SH3PXD2A: variants seen among roughly 807,000 people sequenced by gnomAD.
SH3PXD2A encodes the protein SH3 and PX domains 2A, also known as SH3 and PX domain-containing protein 2A.
SH3PXD2A carries 32 observed loss-of-function variants against 115.2 expected under a neutral mutation model. The ratio of observed to expected loss-of-function variants is 0.28; its 90% confidence interval spans 0.21 to 0.37. The LOEUF (loss-of-function observed/expected upper bound fraction) is 0.37. SH3PXD2A is among the 10% of genes least tolerant of loss of function. The pLI, the probability that SH3PXD2A is intolerant of heterozygous loss-of-function variation, is 1.00. For missense variants in SH3PXD2A, 1,328 were observed against 1,498.7 expected (o/e 0.89, Z 1.88); for synonymous variants, 610 against 629.1 (o/e 0.97, Z 0.45).
In SH3PXD2A at chr10:103,767,090, T is replaced by C. The variant is rs2038762914; in HGVS notation, c.229+4A>G. On this transcript the variant is annotated splice_donor_region_variant and intron_variant, in intron 3 of 14. Coordinates refer to ENST00000369774, the MANE Select transcript of SH3PXD2A (RefSeq NM_001394015.1). ...ATCCCTGGGTGGAGCCACCCAATGCTTACCTGGGAGGAAGGGGATGATCCT... is the reference window on the plus strand; with the variant it reads ...ATCCCTGGGTGGAGCCACCCAATGCCTACCTGGGAGGAAGGGGATGATCCT... The C allele has an allele frequency of 6.2e-7, 1 of 1,612,432 alleles. No individual in the cohort carries two copies. Among genetic ancestry groups the C allele is most frequent in the African/African-American group, 1.3e-5 (1 of 74,894 alleles).
chr10:103,776,436 CTGTG>C (rs34034863), intron 2 of SH3PXD2A, among the ~76,000 whole-genome samples: 5,236 of 125,016 alleles, frequency 0.042, 108 homozygotes, highest in Admixed American at 0.048. Context: ...GTGTGTGTGT[CTGTG>C]TGTGTGTGTG....
intron 2 of SH3PXD2A, among the ~76,000 whole-genome samples, chr10:103,797,472 A>G (rs2039103454): frequency 6.6e-6 from 1 of 152,006 alleles, no homozygotes; most frequent in Non-Finnish European, 1.5e-5. Context: ...ATGCACCATC[A>G]GAGTTCTAAG....
At position 103,600,730 on chromosome 10, in the gene SH3PXD2A, C is replaced by G. The variant is rs1038432836; in HGVS notation, c.*1086G>C. On this transcript the variant is annotated 3_prime_UTR_variant, in exon 15 of 15. Transcript: ENST00000369774. ...ACCATGTCTGCAACCTGGGGCTTGC[C>G]TAGCCCCAAATTTTTCTGGCAGGCG... 2.0e-5 allele frequency: 3 copies of G among 152,226 alleles called. No individual in the cohort carries two copies. Among genetic ancestry groups the G allele is most frequent in the Non-Finnish European group, 4.4e-5 (3 of 68,042 alleles). 9.4% of individuals were successfully genotyped at this position (152,226 alleles called of 1,614,324 possible). A position where few individuals can be genotyped will look rare whatever the true frequency, so the allele number is the denominator to read the frequency against.
At chr10:103,624,938 A>G (rs1404631295) in intron 9 of SH3PXD2A, among the ~76,000 whole-genome samples, 2 of 152,188 alleles carry the variant, frequency 1.3e-5, no homozygotes, top group Non-Finnish European at 2.9e-5. Flanking sequence ...AGTTGCCAGG[A>G]GAATTGGCAC....
chr10:103,620,937 A>ATG lies in SH3PXD2A; in HGVS notation c.802+1531_802+1532dup, dbSNP rs896424825. The stretch of plus-strand genomic sequence containing the variant: ...TGGCGTATGTGTGTATGTTGCGTAT[A>ATG]TGTGTGTGTGTGATGATTTTGTGAC... On this transcript the variant is annotated intron_variant, in intron 10 of 14. Transcript: ENST00000369774. This position sits in a 1 kb window ranked among gnomAD's most constrained non-coding sequence, Gnocchi z 5.3. Among the ~76,000 whole-genome samples the ATG allele has an allele frequency of 7.2e-5, 11 of 152,040 alleles. No homozygotes were observed. Among genetic ancestry groups the ATG allele is most frequent in the East Asian group, 5.8e-4 (3 of 5,170 alleles).
At chr10:103,695,976 G>A (rs1426983070) in intron 5 of SH3PXD2A, among the ~76,000 whole-genome samples, 1 of 152,238 alleles carries the variant, frequency 6.6e-6, no homozygotes, top group Non-Finnish European at 1.5e-5. Flanking sequence ...TAGTGAGTGG[G>A]TGAGACCAGG....
rs138424695 is a variant in SH3PXD2A, at chr10:103,796,178, G to A, written c.153+5104C>T. Among the ~76,000 whole-genome samples, 120 of 151,770 alleles carry A rather than the reference G, an allele frequency of 7.9e-4. 1 individual carries two copies. The highest frequency in any genetic ancestry group is 3.4e-3 in the Middle Eastern group (1 of 294). ...GTTTGAGACCAGCCTGGGCAACACA[G>A]TGGGACCCTGTCTCTACAAAAAATA... On this transcript the variant is annotated intron_variant, in intron 2 of 14. Transcript: ENST00000369774.
intron 11 of SH3PXD2A, among the ~76,000 whole-genome samples, chr10:103,614,297 T>C (rs2036475342): frequency 6.6e-6 from 1 of 151,974 alleles, no homozygotes; most frequent in African/African-American, 2.4e-5. Flanking sequence ...ATGACCCAGT[T>C]AGGAAAAACA....
chr10:103,667,294 G>T (rs1180604223), intron 7 of SH3PXD2A, among the ~76,000 whole-genome samples: 1 of 152,120 alleles, frequency 6.6e-6, no homozygotes, highest in Non-Finnish European at 1.5e-5. Context: ...CCCTGTGCTG[G>T]CCTCCACCCC....
Position 103,602,841 on chromosome 10 carries a change from T to C in SH3PXD2A, c.2377A>G (p.Lys793Glu). ...RPTGQLRGGL[K>E]GSKSEDSELP... ...TCCGAATCCTCACTCTTGGAGCCCT[T>C]GAGCCCTCCACGGAGCTGGCCTGTG... is the stretch of plus-strand genomic sequence containing the variant. The change falls in exon 15 of 15, where the codon AAG becomes GAG. Residue 793 changes from lysine (K) to glutamate (E), a missense_variant. By Grantham distance (56) the Lys-to-Glu change is moderately conservative. Coordinates refer to ENST00000369774, the MANE Select transcript of SH3PXD2A (RefSeq NM_001394015.1). The C allele has an allele frequency of 6.2e-7, 1 of 1,614,128 alleles. No individual in the cohort carries two copies. The highest frequency in any genetic ancestry group is 8.5e-7 in the Non-Finnish European group (1 of 1,180,024).
chr10:103,853,939 C>T (rs1032404681), intron 1 of SH3PXD2A, among the ~76,000 whole-genome samples: 5 of 152,226 alleles, frequency 3.3e-5, no homozygotes, highest in South Asian at 2.1e-4. Context: ...GACCAGATGA[C>T]ACAAAAGAAA....
In SH3PXD2A at chr10:103,627,371, G is replaced by A. The variant is rs911312320; in HGVS notation, c.605-169C>T. Among the ~76,000 whole-genome samples, 4 of 152,232 alleles carry A rather than the reference G, an allele frequency of 2.6e-5. No individual in the cohort carries two copies. The highest frequency in any genetic ancestry group is 1.9e-4 in the East Asian group (1 of 5,204). ...CCAGCTCCAGCCTCGAGGAGCCTGC[G>A]TCTGTTCTAAGGCAGAAACGACCAG... is the stretch of plus-strand genomic sequence containing the variant. On this transcript the variant is annotated intron_variant, in intron 8 of 14. Coordinates refer to ENST00000369774, the MANE Select transcript of SH3PXD2A (RefSeq NM_001394015.1). The surrounding 1 kb of genome is among the most constrained non-coding windows in gnomAD (Gnocchi z 4.4).
At chr10:103,808,180 T>A (rs1176439337) in intron 1 of SH3PXD2A, among the ~76,000 whole-genome samples, 1 of 151,648 alleles carries the variant, frequency 6.6e-6, no homozygotes, top group Non-Finnish European at 1.5e-5. Context: ...CAGAGCCCCA[T>A]CTCCTCCCTG....
Position 103,744,518 on chromosome 10 carries a change from G to C in SH3PXD2A, c.230-8710C>G, listed in dbSNP as rs141575699. ...TCACCTCTGACCCTCTGCAGCCTGG[G>C]GACTGCAGGTCACCTCTTCCCCTGC... On this transcript the variant is annotated intron_variant, in intron 3 of 14. Coordinates refer to ENST00000369774, the MANE Select transcript of SH3PXD2A (RefSeq NM_001394015.1). 1.7e-3 allele frequency among the ~76,000 whole-genome samples: 262 copies of C among 152,250 alleles called. 1 individual carries two copies. The highest frequency in any genetic ancestry group is 3.4e-3 in the Middle Eastern group (1 of 294).
chr10:103,835,953 T>G (rs1161205057), intron 1 of SH3PXD2A, among the ~76,000 whole-genome samples: 3 of 152,192 alleles, frequency 2.0e-5, no homozygotes, highest in African/African-American at 7.2e-5. Context: ...CCCCCTTCAC[T>G]GGACGAGGAA....
chr10:103,702,528 AT>A (rs1368809751), intron 5 of SH3PXD2A, among the ~76,000 whole-genome samples: 2 of 151,582 alleles, frequency 1.3e-5, no homozygotes, highest in Non-Finnish European at 2.9e-5. Context: ...CAGGAAGGAG[AT>A]TTGGGGTGGA....
intron 6 of SH3PXD2A, among the ~76,000 whole-genome samples, chr10:103,670,556 A>G (rs1023232589): frequency 5.3e-5 from 8 of 152,124 alleles, no homozygotes; most frequent in Admixed American, 2.6e-4. Flanking sequence ...CAAGAACTAG[A>G]CAGTGTTCAA....
At chr10:103,696,287 C>T (rs1377307149) in intron 5 of SH3PXD2A, among the ~76,000 whole-genome samples, 3 of 152,200 alleles carry the variant, frequency 2.0e-5, no homozygotes, top group Admixed American at 2.0e-4. Context: ...AAAGCCATTT[C>T]ATATTTTTAG....
At chr10:103,828,768 A>G (rs941006720) in intron 1 of SH3PXD2A, among the ~76,000 whole-genome samples, 2 of 152,206 alleles carry the variant, frequency 1.3e-5, no homozygotes, top group African/African-American at 4.8e-5. Context: ...TTTGGAGAAC[A>G]AAGACTGTTT....
Sources: gnomAD v4.1 joint callset for allele counts (sites outside exome capture counted in the v4.1 genomes callset) on GRCh38, gnomAD v4.1.1 for gene constraint, Gnocchi (gnomAD v3.1) non-coding constraint, MANE v1.5 for transcripts, NCBI Gene and HGNC (gene_info 2026-07-23, HGNC 2026-07-21) for gene names.